The following ALS2 variants were observed in gnomAD, a reference collection of about 807,000 sequenced individuals.
ALS2 encodes alsin Rho guanine nucleotide exchange factor ALS2.
In ALS2, 117 loss-of-function variants were observed where a neutral mutation model predicts 203.4. The observed-to-expected ratio is 0.58, with a 90% CI of 0.50 to 0.67. The LOEUF is 0.67. Ranked by LOEUF, ALS2 falls within the 30% of genes least tolerant of loss-of-function variation. ALS2 has a pLI of 0.00. For synonymous variants in ALS2, 718 were observed against 725.9 expected (o/e 0.99, Z 0.17); for missense variants, 1,715 against 1,989.4 (o/e 0.86, Z 2.62).
chr2:201,711,452 A>C (rs931827142), intron 25 of ALS2, among the ~76,000 whole-genome samples: 1 of 152,248 alleles, frequency 6.6e-6, no homozygotes, highest in Admixed American at 6.5e-5. Context: ...TAGCTTGAAG[A>C]TAAATACAAT....
At chr2:201,702,578 C>T (rs1689458999) in intron 33 of ALS2, among the ~76,000 whole-genome samples, 2 of 152,122 alleles carry the variant, frequency 1.3e-5, no homozygotes, top group African/African-American at 4.8e-5. Flanking sequence ...TCACTATAAC[C>T]CCATCAGTAA....
intron 5 of ALS2, among the ~76,000 whole-genome samples, chr2:201,755,751 T>TA (rs1053245622): frequency 1.3e-4 from 20 of 152,214 alleles, no homozygotes; most frequent in African/African-American, 4.6e-4. Context: ...ACAGAGATGT[T>TA]AAAAAATGTT....
chr2:201,717,191 G>A (rs551785704), intron 24 of ALS2, among the ~76,000 whole-genome samples: 8 of 152,086 alleles, frequency 5.3e-5, no homozygotes, highest in East Asian at 3.9e-4. Flanking sequence ...CAGGCTGGGC[G>A]CGGTGGCTCA....
At chr2:201,770,504 T>C (rs1281008491) in intron 1 of ALS2, among the ~76,000 whole-genome samples, 1 of 152,216 alleles carries the variant, frequency 6.6e-6, no homozygotes, top group African/African-American at 2.4e-5. Context: ...TTTTACAACT[T>C]TCTTTTCTTA....
rs1307287030 is a variant in ALS2 at position 201,761,017 on chromosome 2, C to T, written c.977G>A (p.Gly326Glu). ...DAMSSQQNVM[G>E]TTEISSARNI... ...TCTGGCAGAGGAAATTTCAGTTGTT[C>T]CCATGACATTTTGTTGAGAGGACAT... The change falls in exon 4 of 34, where the codon GGA becomes GAA. Residue 326 changes from glycine to glutamate, a missense_variant. Gly to Glu is a moderately conservative substitution (Grantham distance 98). This residue lies in a region of ALS2 where 476 missense variants were observed against 539.3 expected (regional missense o/e 0.88). Coordinates refer to ENST00000264276, the MANE Select transcript of ALS2 (RefSeq NM_020919.4). 3.1e-6 allele frequency: 5 copies of T among 1,614,116 alleles called. No homozygotes were observed. Among genetic ancestry groups the T allele is most frequent in the Middle Eastern group, 1.6e-4 (1 of 6,062 alleles).
intron 8 of ALS2, among the ~76,000 whole-genome samples, chr2:201,748,444 C>T (rs1022975766): frequency 4.6e-5 from 7 of 152,106 alleles, no homozygotes; most frequent in Admixed American, 6.5e-5. Flanking sequence ...TTTTCTCAGC[C>T]TTCCTCAAAT....
At chr2:201,777,982 T>C (rs1169367424) in intron 1 of ALS2, among the ~76,000 whole-genome samples, 1 of 152,194 alleles carries the variant, frequency 6.6e-6, no homozygotes, top group East Asian at 1.9e-4. Flanking sequence ...TCTACTTTAT[T>C]GCTCTTTTAA....
Position 201,746,554 on chromosome 2 carries a change from ATTCC to A in ALS2, c.1998+8_1998+11del, listed in dbSNP as rs1412837734. On this transcript the variant is annotated splice_region_variant and intron_variant, in intron 9 of 33. Coordinates refer to ENST00000264276, the MANE Select transcript of ALS2 (RefSeq NM_020919.4). ...TACTGAATGTGGGCCTTAGGATCCA[ATTCC>A]TGTTCACCTTACTACAGGAGAGAAG... 7 of 1,613,874 alleles carry A rather than the reference ATTCC, an allele frequency of 4.3e-6. No homozygotes were observed. Among genetic ancestry groups the A allele is most frequent in the Admixed American group, 1.7e-5 (1 of 60,010 alleles).
rs149670991 is a variant in ALS2 at position 201,724,413 on chromosome 2, G to C, written c.3394C>G (p.Arg1132Gly). Residue 1132 changes from arginine (R) to glycine (G), a missense_variant, in exon 21 of 34, where the codon CGT becomes GGT. Coordinates refer to ENST00000264276, the MANE Select transcript of ALS2 (RefSeq NM_020919.4). ...VFEGCFQDNM[R>G]HGHGLLRSGK... ...CTTCGTAGAAGACCATGACCATGAC[G>C]CATATTATCTTGAAAACAGCCCTCA... 3.1e-6 allele frequency: 5 copies of C among 1,613,786 alleles called. No homozygotes were observed. The highest frequency in any genetic ancestry group is 3.4e-6 in the Non-Finnish European group (4 of 1,179,846).
intron 21 of ALS2, 98 bp from the exon 22 acceptor site, chr2:201,723,539 G>T: frequency 9.7e-7 from 1 of 1,031,050 alleles, no homozygotes; most frequent in Non-Finnish European, 1.5e-6. Flanking sequence ...TCAACCCTAG[G>T]TTGGTATTGC....
At chr2:201,764,321 A>C (rs902673570) in intron 3 of ALS2, among the ~76,000 whole-genome samples, 7 of 152,130 alleles carry the variant, frequency 4.6e-5, no homozygotes, top group African/African-American at 1.7e-4. Flanking sequence ...CAAAAACAAA[A>C]ACTGGAGCAT....
At chr2:201,752,255 A>G (rs2106069779) in intron 7 of ALS2, among the ~76,000 whole-genome samples, 1 of 152,310 alleles carries the variant, frequency 6.6e-6, no homozygotes, top group East Asian at 1.9e-4. Flanking sequence ...AAAGAGTTCT[A>G]AAGTTTGCAT....
At chr2:201,756,081 T>A (rs1014979042) in intron 5 of ALS2, among the ~76,000 whole-genome samples, 4 of 152,212 alleles carry the variant, frequency 2.6e-5, no homozygotes, top group African/African-American at 9.7e-5. Flanking sequence ...TTTCGAAAGA[T>A]ACTTTAGGTT....
chr2:201,733,754 T>TTAATG (rs2106025090), intron 12 of ALS2, among the ~76,000 whole-genome samples: 1 of 152,318 alleles, frequency 6.6e-6, no homozygotes, highest in East Asian at 1.9e-4. Context: ...CACCATTACC[T>TTAATG]GTTAATTTCA....
intron 1 of ALS2, among the ~76,000 whole-genome samples, chr2:201,770,710 G>A (rs1489187663): frequency 6.6e-6 from 1 of 152,172 alleles, no homozygotes; most frequent in Middle Eastern, 3.2e-3. Context: ...GAGAATCAAA[G>A]AGACATGATG....
At chr2:201,763,986 A>G (rs1232194005) in intron 3 of ALS2, among the ~76,000 whole-genome samples, 5 of 152,210 alleles carry the variant, frequency 3.3e-5, no homozygotes, top group Non-Finnish European at 7.4e-5. Flanking sequence ...AATTGAGTTG[A>G]TGATGAAAAC....
At chr2:201,740,419 G>A (rs1055936059) in intron 11 of ALS2, among the ~76,000 whole-genome samples, 1 of 152,056 alleles carries the variant, frequency 6.6e-6, no homozygotes, top group Non-Finnish European at 1.5e-5. Context: ...AGTATCAAAA[G>A]CATTTTTAAG....
At chr2:201,729,521 T>G (rs1448718314) in intron 13 of ALS2, among the ~76,000 whole-genome samples, 1 of 152,160 alleles carries the variant, frequency 6.6e-6, no homozygotes, top group Non-Finnish European at 1.5e-5. Context: ...ACTGTATCTA[T>G]TGATATTTAC....
Position 201,739,743 on chromosome 2 carries a change from C to CAA in ALS2, c.2352-1010_2352-1009dup, listed in dbSNP as rs539359528. ...GGGCAACAAGAGCGAAACTCCAGCT[C>CAA]AAAAAAAAAAAAAAGAAAAAAGAAA... On this transcript the variant is annotated intron_variant, in intron 11 of 33. Coordinates refer to ENST00000264276, the MANE Select transcript of ALS2 (RefSeq NM_020919.4). Among the ~76,000 whole-genome samples the CAA allele has an allele frequency of 3.9e-4, 26 of 66,484 alleles. No individual in the cohort carries two copies. In the South Asian group the frequency reaches 0.01, roughly 26 times the overall value. The allele number at this position is 66,484 out of a possible 152,430, so 43.6% of individuals were successfully genotyped here.
Sources: gnomAD v4.1 joint callset for allele counts (sites outside exome capture counted in the v4.1 genomes callset) on GRCh38, gnomAD v4.1.1 for gene constraint, gnomAD v4.1.1 regional missense constraint, MANE v1.5 for transcripts, NCBI Gene and HGNC (gene_info 2026-07-23, HGNC 2026-07-21) for gene names.